KDM2B: variants seen among roughly 807,000 people sequenced by gnomAD.
KDM2B encodes lysine-specific demethylase 2B.
Under a neutral mutation model 150.0 loss-of-function variants are expected in KDM2B, and 26 were observed. The ratio of observed to expected loss-of-function variants is 0.17; its 90% confidence interval spans 0.13 to 0.24. The LOEUF (loss-of-function observed/expected upper bound fraction) is 0.24. KDM2B is among the 10% of genes least tolerant of loss of function. KDM2B has a pLI of 1.00. For missense variants in KDM2B, 1,265 were observed against 1,816.9 expected (o/e 0.70, Z 5.52); for synonymous variants, 734 against 729.5 (o/e 1.01, Z -0.10).
intron 7 of KDM2B, 93 bp downstream of exon 7, chr12:121,534,404 G>A: frequency 1.1e-6 from 1 of 878,898 alleles, no homozygotes; most frequent in Non-Finnish European, 1.9e-6. Context: ...GCTGGTTGGA[G>A]GAGGGAGGTG....
chr12:121,449,138 G>T (rs1555290996), intron 13 of KDM2B, among the ~76,000 whole-genome samples: 2 of 151,914 alleles, frequency 1.3e-5, no homozygotes, highest in African/African-American at 4.8e-5. Context: ...CCAGGTGGCA[G>T]GATGGGAGGC....
At chr12:121,465,219 G>A (rs1373536901) in intron 12 of KDM2B, among the ~76,000 whole-genome samples, 1 of 151,610 alleles carries the variant, frequency 6.6e-6, no homozygotes, top group Non-Finnish European at 1.5e-5. Flanking sequence ...AGGTTTGTTT[G>A]TTTTTGTTTT....
rs1259851885 is a variant in KDM2B at position 121,448,281 on chromosome 12, C to T, written c.1960-2863G>A. ...GCTGCAGTGAGCCACGAGCACACCA[C>T]TGCACTCCAGCCTGAGCGACACAGC... On this transcript the variant is annotated intron_variant, in intron 13 of 22. Transcript: ENST00000377071. Among the ~76,000 whole-genome samples the T allele has an allele frequency of 1.5e-5, 2 of 133,760 alleles. 1 individual carries two copies. The highest frequency in any genetic ancestry group is 4.7e-4 in the South Asian group (2 of 4,252). 87.8% of individuals were successfully genotyped at this position (133,760 alleles called of 152,430 possible). A position where few individuals can be genotyped will look rare whatever the true frequency, so the allele number is the denominator to read the frequency against.
rs1466342546 is a variant in KDM2B, at chr12:121,442,236, C to T, written c.3205G>A (p.Val1069Met). 1 of 1,613,406 alleles carries T rather than the reference C, an allele frequency of 6.2e-7. No individual in the cohort carries two copies. The highest frequency in any genetic ancestry group is 8.5e-7 in the Non-Finnish European group (1 of 1,179,952). Residue 1069 changes from valine (V) to methionine (M), a missense_variant, in exon 19 of 23, where the codon GTG becomes ATG. This residue lies in a region of KDM2B where 251 missense variants were observed against 397.8 expected (regional missense o/e 0.63). Coordinates refer to ENST00000377071, the MANE Select transcript of KDM2B (RefSeq NM_032590.5). The surrounding 1 kb of genome is among the most constrained non-coding windows in gnomAD (Gnocchi z 7.7). ...DGAAHVMHRE[V>M]WMAVFSYLSH... ...AGGTAGCTGAAGACGGCCATCCACACCTCCCTGTGCATGACGTGGGCTGCC... is the reference window on the plus strand; with the variant it reads ...AGGTAGCTGAAGACGGCCATCCACATCTCCCTGTGCATGACGTGGGCTGCC...
rs192614133 is a variant in KDM2B, at chr12:121,484,014, A to G, written c.1734+10565T>C. 1.3e-3 allele frequency among the ~76,000 whole-genome samples: 192 copies of G among 152,264 alleles called. 1 individual carries two copies. The highest frequency in any genetic ancestry group is 4.5e-3 in the African/African-American group (187 of 41,544). On this transcript the variant is annotated intron_variant, in intron 12 of 22. Transcript: ENST00000377071. The stretch of plus-strand genomic sequence containing the variant: ...CAGTGACCAGAAACAGAAAAGTTGA[A>G]GAAGGCCACACAATAGAGATGTGGT...
intron 9 of KDM2B, among the ~76,000 whole-genome samples, chr12:121,517,133 A>G (rs921691039): frequency 6.6e-5 from 10 of 152,204 alleles, no homozygotes; most frequent in South Asian, 4.1e-4. Context: ...ACTGAAGTTA[A>G]AAGAATGTAG....
rs1321068473 is a variant in KDM2B, at chr12:121,536,536, T to C, written c.684-1946A>G. Among the ~76,000 whole-genome samples, 6 of 152,162 alleles carry C rather than the reference T, an allele frequency of 3.9e-5. 1 individual carries two copies. The South Asian group carries it at 8.3e-4, about 21-fold the overall frequency. ...AAGGCCTGGGTGATCCTCTTCTCTC[T>C]AAGGAAAGGGGGGGTCCTGAAGCCC... On this transcript the variant is annotated intron_variant, in intron 6 of 22. Coordinates refer to ENST00000377071, the MANE Select transcript of KDM2B (RefSeq NM_032590.5).
the KDM2B span, among the ~76,000 whole-genome samples, chr12:121,414,766 G>A: frequency 4.7e-5 from 7 of 149,366 alleles, no homozygotes; most frequent in Non-Finnish European, 5.9e-5. Flanking sequence ...TCCGCCTCCC[G>A]AATTCAAGCA....
At chr12:121,447,162 G>A (rs1181559699) in intron 13 of KDM2B, among the ~76,000 whole-genome samples, 2 of 152,046 alleles carry the variant, frequency 1.3e-5, no homozygotes, top group Non-Finnish European at 2.9e-5. Context: ...ATCTGTGTGA[G>A]GCAAAATTTT....
At chr12:121,410,996 G>A in the KDM2B span, among the ~76,000 whole-genome samples, 3 of 152,136 alleles carry the variant, frequency 2.0e-5, no homozygotes, top group Non-Finnish European at 2.9e-5. Context: ...GTGCGGTGGC[G>A]TAAGCATAGC....
intron 13 of KDM2B, among the ~76,000 whole-genome samples, chr12:121,449,201 T>TG (rs1159837790): frequency 2.9e-4 from 24 of 81,634 alleles, no homozygotes; most frequent in East Asian, 2.3e-3. Flanking sequence ...GGGGCGCATG[T>TG]GGGGGGGCAG....
rs1887826676 is a variant in KDM2B, at chr12:121,533,447, C to G, written c.778-488G>C. ...AAACGCACATGCAGACCCAGCCAAGCAGGGTGGCACAGGCTTATTTTCAAG... is the reference window on the plus strand; with the variant it reads ...AAACGCACATGCAGACCCAGCCAAGGAGGGTGGCACAGGCTTATTTTCAAG... On this transcript the variant is annotated intron_variant, in intron 7 of 22. Transcript: ENST00000377071. The surrounding 1 kb of genome is among the most constrained non-coding windows in gnomAD (Gnocchi z 4.1). Among the ~76,000 whole-genome samples, 1 of 152,138 alleles carries G rather than the reference C, an allele frequency of 6.6e-6. No individual in the cohort carries two copies. The highest frequency in any genetic ancestry group is 1.5e-5 in the Non-Finnish European group (1 of 68,030).
intron 2 of KDM2B, among the ~76,000 whole-genome samples, chr12:121,578,593 G>A (rs1263499250): frequency 1.3e-5 from 2 of 151,806 alleles, no homozygotes; most frequent in African/African-American, 4.8e-5. Context: ...GGCGCGGGCC[G>A]GGCCTAGGCC....
chr12:121,443,427 G>A (rs1176585072), intron 17 of KDM2B: 21 of 586,648 alleles, frequency 3.6e-5, no homozygotes, highest in East Asian at 1.2e-4. Flanking sequence ...AGCACGGCCC[G>A]TGGGTGGAGC....
At chr12:121,505,934 G>A (rs1555302859) in intron 11 of KDM2B, among the ~76,000 whole-genome samples, 2 of 152,188 alleles carry the variant, frequency 1.3e-5, no homozygotes, top group Non-Finnish European at 2.9e-5. Flanking sequence ...TACATCTGGG[G>A]AGAACAGGCT....
At chr12:121,497,553 G>A (rs978983318) in intron 11 of KDM2B, among the ~76,000 whole-genome samples, 4 of 151,682 alleles carry the variant, frequency 2.6e-5, no homozygotes, top group South Asian at 2.1e-4. Context: ...TGATCCACCC[G>A]CCTCGGCCTC....
At chr12:121,535,575 G>A (rs894895484) in intron 6 of KDM2B, among the ~76,000 whole-genome samples, 1 of 152,330 alleles carries the variant, frequency 6.6e-6, no homozygotes, top group African/African-American at 2.4e-5. Flanking sequence ...GTCTCAGTAA[G>A]GCTGTTATAA....
At chr12:121,443,161 C>A in intron 17 of KDM2B, 131 bp from the exon 18 acceptor site, 1 of 827,920 alleles carries the variant, frequency 1.2e-6, no homozygotes, top group African/African-American at 1.7e-5. Context: ...CCCACAAATG[C>A]CATCTCCACG....
At chr12:121,431,726 T>C (rs1440808068) in intron 22 of KDM2B, among the ~76,000 whole-genome samples, 2 of 152,086 alleles carry the variant, frequency 1.3e-5, no homozygotes, top group Non-Finnish European at 2.9e-5. Flanking sequence ...AAACAGATGC[T>C]CACCAATTCG....
Sources: gnomAD v4.1 joint callset for allele counts (sites outside exome capture counted in the v4.1 genomes callset) on GRCh38, gnomAD v4.1.1 for gene constraint, gnomAD v4.1.1 regional missense constraint, Gnocchi (gnomAD v3.1) non-coding constraint, MANE v1.5 for transcripts, NCBI Gene and HGNC (gene_info 2026-07-23, HGNC 2026-07-21) for gene names.